The following CNTNAP3 variants were observed in gnomAD, a reference collection of about 807,000 sequenced individuals.
CNTNAP3 encodes the protein contactin-associated protein-like 3.
In CNTNAP3, 36 loss-of-function variants were observed where a neutral mutation model predicts 92.1. That is an observed-to-expected ratio of 0.39 (90% CI 0.30 to 0.52). The LOEUF (loss-of-function observed/expected upper bound fraction) is 0.52, where lower values mean the gene tolerates loss of function less well. CNTNAP3 is among the 20% of genes least tolerant of loss of function. CNTNAP3 has a pLI of 0.76. For synonymous variants in CNTNAP3, 232 were observed against 422.3 expected, an observed-to-expected ratio of 0.55 and a Z score of 5.53; for missense variants, 534 against 1,069.6, an observed-to-expected ratio of 0.50 and a Z score of 6.98.
At chr9:39,142,272 G>A (rs1489751967) in intron 11 of CNTNAP3, among the ~76,000 whole-genome samples, 2 of 152,196 alleles carry the variant, frequency 1.3e-5, no homozygotes, top group African/African-American at 4.8e-5. Flanking sequence ...TACTATGCCT[G>A]GAGGATGAAA....
At chr9:39,127,184 A>G (rs1383582659) in intron 13 of CNTNAP3, among the ~76,000 whole-genome samples, 1 of 152,140 alleles carries the variant, frequency 6.6e-6, no homozygotes, top group Non-Finnish European at 1.5e-5. Context: ...AATATGCTTC[A>G]AAGAAATTTA....
chr9:39,140,723 C>A (rs1351382619), intron 11 of CNTNAP3, 85 bp from the exon 12 acceptor site: 89 of 1,487,120 alleles, frequency 6.0e-5, no homozygotes, highest in Non-Finnish European at 7.5e-5. Flanking sequence ...TTCTGAATTA[C>A]AGACATGTGA....
rs192484150 is a variant in CNTNAP3, at chr9:39,148,864, T to G, written c.1649+942A>C. On this transcript the variant is annotated intron_variant, in intron 10 of 23. Transcript: ENST00000297668. Reference sequence around the variant, plus strand: ...TAATTTTTAAATCTGTAGCATTTATTTATTCACTGAAAGTAAATACCAAAT... The same window carrying G: ...TAATTTTTAAATCTGTAGCATTTATGTATTCACTGAAAGTAAATACCAAAT... Among the ~76,000 whole-genome samples the G allele has an allele frequency of 4.4e-3, 676 of 152,288 alleles. 6 individuals are homozygous for G. The highest frequency in any genetic ancestry group is 0.016 in the African/African-American group (647 of 41,572).
intron 14 of CNTNAP3, among the ~76,000 whole-genome samples, chr9:39,113,452 T>C (rs910719876): frequency 1.3e-5 from 2 of 152,140 alleles, no homozygotes; most frequent in Non-Finnish European, 2.9e-5. Flanking sequence ...ATTCAAGTAA[T>C]TCCTCAATAC....
intron 18 of CNTNAP3, among the ~76,000 whole-genome samples, chr9:39,095,495 C>A (rs1249807500): frequency 5.4e-5 from 8 of 148,142 alleles, no homozygotes; most frequent in African/African-American, 2.0e-4. Context: ...CCCTTCTATT[C>A]CTAGTTTATT....
intron 13 of CNTNAP3, among the ~76,000 whole-genome samples, chr9:39,125,597 T>C (rs1563885764): frequency 1.3e-5 from 2 of 152,178 alleles, no homozygotes; most frequent in African/African-American, 4.8e-5. Flanking sequence ...AAATCCTCTT[T>C]AAATATAAAA....
chr9:39,119,308 T>G (rs1224123590), intron 13 of CNTNAP3, among the ~76,000 whole-genome samples: 1 of 145,972 alleles, frequency 6.9e-6, no homozygotes, highest in African/African-American at 2.6e-5. Context: ...ATAGATAAGA[T>G]CTCTGCATTC....
intron 11 of CNTNAP3, among the ~76,000 whole-genome samples, chr9:39,140,923 G>A (rs1821559236): frequency 6.6e-6 from 1 of 152,178 alleles, no homozygotes; most frequent in Non-Finnish European, 1.5e-5. Context: ...TTTCTATTTT[G>A]AGGAAGAAGG....
chr9:39,114,001 C>CAT (rs1336806919), intron 14 of CNTNAP3, among the ~76,000 whole-genome samples: 111 of 142,760 alleles, frequency 7.8e-4, no homozygotes, highest in African/African-American at 2.9e-3. Flanking sequence ...TACACACACA[C>CAT]ATATATATAC....
rs149849938 is a variant in CNTNAP3 at position 39,112,585 on chromosome 9, C to T, written c.2238-3298G>A. Among the ~76,000 whole-genome samples the T allele has an allele frequency of 1.3e-4, 20 of 152,204 alleles. No homozygotes were observed. In the South Asian group the frequency reaches 3.9e-3, roughly 30 times the overall value. ...TTCACCATGTTGGTCAGGCTGGTCTCGAACTCCTGACTTCATGATCCGCCC... is the reference window on the plus strand; with the variant it reads ...TTCACCATGTTGGTCAGGCTGGTCTTGAACTCCTGACTTCATGATCCGCCC... On this transcript the variant is annotated intron_variant, in intron 14 of 23. Coordinates refer to ENST00000297668, the MANE Select transcript of CNTNAP3 (RefSeq NM_033655.5).
At chr9:39,105,092 T>C (rs1826566679) in intron 15 of CNTNAP3, among the ~76,000 whole-genome samples, 1 of 152,200 alleles carries the variant, frequency 6.6e-6, no homozygotes, top group Non-Finnish European at 1.5e-5. Context: ...CTAAGCTCTG[T>C]CATTCCTTCC....
intron 14 of CNTNAP3, among the ~76,000 whole-genome samples, chr9:39,114,534 CT>C (rs1225468270): frequency 1.3e-5 from 2 of 152,078 alleles, no homozygotes; most frequent in Non-Finnish European, 2.9e-5. Context: ...TATCTGCTTT[CT>C]TTTGATTTGT....
At chr9:39,086,102 T>A in intron 20 of CNTNAP3, 1 of 517,798 alleles carries the variant, frequency 1.9e-6, no homozygotes, top group African/African-American at 1.9e-5. Context: ...GCAGAATCCA[T>A]GAAAAAGATG....
At chr9:39,084,489 C>T (rs368842005) in intron 21 of CNTNAP3, among the ~76,000 whole-genome samples, 9 of 152,174 alleles carry the variant, frequency 5.9e-5, no homozygotes, top group South Asian at 2.1e-4. Context: ...CCACCACACC[C>T]GGCCACTCAC....
intron 21 of CNTNAP3, among the ~76,000 whole-genome samples, chr9:39,081,745 A>T (rs967349541): frequency 6.6e-6 from 1 of 152,012 alleles, no homozygotes; most frequent in African/African-American, 2.4e-5. Flanking sequence ...AGTCTTCTAC[A>T]CTGTGCAATA....
At chr9:39,148,803 G>A (rs1821770148) in intron 10 of CNTNAP3, among the ~76,000 whole-genome samples, 1 of 152,180 alleles carries the variant, frequency 6.6e-6, no homozygotes, top group Non-Finnish European at 1.5e-5. Context: ...GGGATTACAG[G>A]CGTGAGCCAC....
At chr9:39,082,203 T>C (rs186410334) in intron 21 of CNTNAP3, among the ~76,000 whole-genome samples, 31,796 of 149,428 alleles carry the variant, frequency 0.21, 2,986 homozygotes, top group East Asian at 0.33. Context: ...CTCAAGTGAG[T>C]CTGGGGACTA....
chr9:39,142,125 T>C (rs1821591239), intron 11 of CNTNAP3, among the ~76,000 whole-genome samples: 1 of 152,188 alleles, frequency 6.6e-6, no homozygotes. Context: ...TATATTTTGA[T>C]TGCAGTGAAT....
At chr9:39,149,719 G>A in intron 10 of CNTNAP3, 87 bp downstream of exon 10, 1 of 706,718 alleles carries the variant, frequency 1.4e-6, no homozygotes, top group South Asian at 1.9e-5. Flanking sequence ...ACAAAAAAGA[G>A]AACGGAATGC....
Sources: gnomAD v4.1 joint callset for allele counts (sites outside exome capture counted in the v4.1 genomes callset) on GRCh38, gnomAD v4.1.1 for gene constraint, MANE v1.5 for transcripts, NCBI Gene and HGNC (gene_info 2026-07-23, HGNC 2026-07-21) for gene names.